The following C11orf65 variants were observed in gnomAD, a reference collection of about 807,000 sequenced individuals.
C11orf65 encodes the protein protein MFI.
A neutral mutation model predicts 35.3 loss-of-function variants in C11orf65; 38 were observed. The observed-to-expected ratio is 1.08, with a 90% CI of 0.83 to 1.41. C11orf65 has a LOEUF of 1.41. Ranked by LOEUF, C11orf65 falls within the 40% of genes most tolerant of loss-of-function variation. C11orf65 has a pLI of 0.00. For missense variants in C11orf65, 370 were observed against 367.1 expected, an observed-to-expected ratio of 1.01 and a Z score of -0.06; for synonymous variants, 105 against 114.4, an observed-to-expected ratio of 0.92 and a Z score of 0.53.
At chr11:108,364,885 T>G (rs889121694) in intron 2 of C11orf65, among the ~76,000 whole-genome samples, 2 of 152,180 alleles carry the variant, frequency 1.3e-5, no homozygotes, top group Admixed American at 1.3e-4. Flanking sequence ...AAGAATGAAT[T>G]CAGAATGAAA....
chr11:108,462,698 A>G (rs774167023), intron 1 of C11orf65: 1 of 152,220 alleles, frequency 6.6e-6, no homozygotes, highest in East Asian at 1.9e-4. Flanking sequence ...AGGGAGAAAC[A>G]TGGATTTTTA....
chr11:108,312,350 T>C, intron 6 of C11orf65: 1 of 1,239,980 alleles, frequency 8.1e-7, no homozygotes, highest in Non-Finnish European at 1.2e-6. Flanking sequence ...CTATAGTATA[T>C]GTATTCAGGA....
At chr11:108,356,853 C>CT (rs2089998771) in intron 2 of C11orf65, among the ~76,000 whole-genome samples, 1 of 152,182 alleles carries the variant, frequency 6.6e-6, no homozygotes, top group Non-Finnish European at 1.5e-5. Flanking sequence ...TTTGGATTTC[C>CT]TTTGAGTGAG....
In C11orf65 at chr11:108,332,910, T is replaced by C. The variant is rs730881277; in HGVS notation, c.300-1343A>G. 2.0e-5 allele frequency: 33 copies of C among 1,610,330 alleles called. No individual in the cohort carries two copies. Among genetic ancestry groups the C allele is most frequent in the African/African-American group, 2.7e-5 (2 of 74,876 alleles). ...TGGAAGACTCAGAGAAGTATGTTTT[T>C]TTTAAAGAAGAAACGTTACTTTCTT... is the stretch of plus-strand genomic sequence containing the variant. On this transcript the variant is annotated intron_variant, in intron 3 of 3. Coordinates refer to the C11orf65 transcript ENST00000524755.
At chr11:108,376,943 C>G (rs1188548430) in intron 2 of C11orf65, among the ~76,000 whole-genome samples, 2 of 152,038 alleles carry the variant, frequency 1.3e-5, no homozygotes, top group Non-Finnish European at 2.9e-5. Flanking sequence ...GAAGTTGAAT[C>G]TCTGAATAGA....
chr11:108,417,273 C>T (rs1267631751), intron 3 of C11orf65, among the ~76,000 whole-genome samples: 2 of 151,936 alleles, frequency 1.3e-5, no homozygotes, highest in African/African-American at 2.4e-5. Context: ...TCAGGTGCGG[C>T]GGCTCACACC....
Position 108,365,467 on chromosome 11 carries a change from A to G in C11orf65, c.226+27741T>C. On this transcript the variant is annotated intron_variant, in intron 2 of 3. Transcript: ENST00000524755. Reference sequence around the variant, plus strand: ...CATACAGCAGGCCATAGACCCCAAAAATCTCAGCCGACTTTTCCCAGGATG... The same window carrying G: ...CATACAGCAGGCCATAGACCCCAAAGATCTCAGCCGACTTTTCCCAGGATG... 1.2e-6 allele frequency: 2 copies of G among 1,614,118 alleles called. No individual in the cohort carries two copies. Among genetic ancestry groups the G allele is most frequent in the Non-Finnish European group, 1.7e-6 (2 of 1,180,012 alleles).
intron 3 of C11orf65, among the ~76,000 whole-genome samples, chr11:108,428,427 A>G (rs1171946947): frequency 6.6e-6 from 1 of 152,240 alleles, no homozygotes; most frequent in African/African-American, 2.4e-5. Flanking sequence ...CCCATCAATG[A>G]CAGACTGGAT....
chr11:108,351,832 C>T (rs138289438), intron 2 of C11orf65, among the ~76,000 whole-genome samples: 18 of 152,342 alleles, frequency 1.2e-4, no homozygotes, highest in Admixed American at 2.6e-4. Context: ...TGCAATGTAT[C>T]ATTTATACTG....
At chr11:108,420,932 T>C (rs1281399410) in intron 3 of C11orf65, among the ~76,000 whole-genome samples, 1 of 152,110 alleles carries the variant, frequency 6.6e-6, no homozygotes, top group East Asian at 1.9e-4. Flanking sequence ...CAATAGACTT[T>C]AAAAATATGT....
At chr11:108,377,758 A>C (rs2091767342), downstream of C11orf65, among the ~76,000 whole-genome samples, 1 of 151,912 alleles carries the variant, frequency 6.6e-6, no homozygotes, top group Non-Finnish European at 1.5e-5. Flanking sequence ...AAATCTCCTT[A>C]AGCTGATAAG....
At chr11:108,346,041 A>G (rs2088338781) in intron 2 of C11orf65, 4 of 928,158 alleles carry the variant, frequency 4.3e-6, no homozygotes, top group Admixed American at 4.1e-5. Context: ...TAACCAACCC[A>G]TCTTCATTAT....
At chr11:108,366,485 G>A (rs2091338702) in intron 2 of C11orf65, 1 of 225,008 alleles carries the variant, frequency 4.4e-6, no homozygotes, top group Non-Finnish European at 8.8e-6. Flanking sequence ...AGTTCCTGCT[G>A]TTTATATCTG....
intron 3 of C11orf65, among the ~76,000 whole-genome samples, chr11:108,428,958 G>A (rs1298151954): frequency 2.6e-5 from 4 of 151,986 alleles, no homozygotes; most frequent in East Asian, 1.9e-4. Context: ...ACGAGCCTGC[G>A]TAACCTAGGG....
chr11:108,468,607 G>C (rs1247987871), upstream of C11orf65, among the ~76,000 whole-genome samples: 2 of 152,190 alleles, frequency 1.3e-5, no homozygotes, highest in Non-Finnish European at 2.9e-5. Flanking sequence ...AAAATTCTTG[G>C]TAGGTTAATT....
intron 2 of C11orf65, among the ~76,000 whole-genome samples, chr11:108,439,805 C>A (rs4298868): frequency 6.6e-6 from 1 of 151,880 alleles, no homozygotes; most frequent in East Asian, 1.9e-4. Context: ...TAACTGGGGT[C>A]TGGTGGTTAG....
chr11:108,370,783 T>C (rs1430704340), intron 2 of C11orf65, among the ~76,000 whole-genome samples: 1 of 152,210 alleles, frequency 6.6e-6, no homozygotes, highest in African/African-American at 2.4e-5. Context: ...TGAACTACAC[T>C]GTTTGATTTT....
chr11:108,447,643 AG>A (rs1365561995), intron 2 of C11orf65, among the ~76,000 whole-genome samples: 13 of 152,154 alleles, frequency 8.5e-5, no homozygotes, highest in Non-Finnish European at 1.6e-4. Context: ...CAGTGTGTAG[AG>A]GGAAATTTAT....
At chr11:108,434,397 C>G (rs529193365) in intron 2 of C11orf65, among the ~76,000 whole-genome samples, 2 of 151,816 alleles carry the variant, frequency 1.3e-5, no homozygotes, top group South Asian at 4.2e-4. Flanking sequence ...CCCAGCTACT[C>G]AGGAGGCTGA....
Sources: allele counts gnomAD v4.1 joint callset (sites outside exome capture counted in the v4.1 genomes callset), GRCh38; gene constraint gnomAD v4.1.1; transcripts MANE v1.5; gene names NCBI Gene and HGNC (gene_info 2026-07-23, HGNC 2026-07-21).